COL25A1: variants seen among roughly 807,000 people sequenced by gnomAD.
COL25A1 encodes collagen alpha-1(XXV) chain.
In COL25A1, 103 loss-of-function variants were observed where a neutral mutation model predicts 128.4. The observed-to-expected ratio is 0.80, with a 90% CI of 0.68 to 0.94. The LOEUF is 0.94. Among genes scored for constraint, COL25A1 ranks in the 40% least tolerant of loss-of-function variants. The pLI is 0.00. For synonymous variants in COL25A1, 279 were observed against 277.2 expected (o/e 1.01, Z -0.06); for missense variants, 745 against 840.0 (o/e 0.89, Z 1.40).
intron 3 of COL25A1, among the ~76,000 whole-genome samples, chr4:109,061,495 T>C (rs541339112): frequency 3.1e-4 from 47 of 152,214 alleles, no homozygotes; most frequent in Non-Finnish European, 6.2e-4. Context: ...AAGGAATTAA[T>C]TTGCTCAGTG....
intron 8 of COL25A1, among the ~76,000 whole-genome samples, chr4:108,948,614 A>G (rs1448515763): frequency 6.6e-6 from 1 of 152,148 alleles, no homozygotes; most frequent in Non-Finnish European, 1.5e-5. Flanking sequence ...GTGGCTCGAA[A>G]AGTGACTATT....
chr4:109,059,636 G>C (rs537040661), intron 3 of COL25A1, among the ~76,000 whole-genome samples: 1 of 152,238 alleles, frequency 6.6e-6, no homozygotes, highest in Admixed American at 6.5e-5. Context: ...CATACACTGA[G>C]AACACTCATG....
intron 36 of COL25A1, 105 bp from the exon 37 acceptor site, chr4:108,817,540 A>G: frequency 9.7e-7 from 1 of 1,031,262 alleles, no homozygotes; most frequent in Admixed American, 2.2e-5. Flanking sequence ...CCCATTAGTG[A>G]CTTTGGTCAT....
At chr4:108,887,486 A>T (rs1236248563) in intron 18 of COL25A1, among the ~76,000 whole-genome samples, 1 of 152,182 alleles carries the variant, frequency 6.6e-6, no homozygotes. Context: ...ATATTGTGGG[A>T]AAGTGGGATT....
At chr4:109,013,192 T>C (rs865962859) in intron 5 of COL25A1, among the ~76,000 whole-genome samples, 1 of 152,146 alleles carries the variant, frequency 6.6e-6, no homozygotes, top group African/African-American at 2.4e-5. Flanking sequence ...AACGCACCAA[T>C]CAGTGCTCTG....
intron 3 of COL25A1, among the ~76,000 whole-genome samples, chr4:109,273,581 T>C (rs917482137): frequency 1.3e-5 from 2 of 152,192 alleles, no homozygotes; most frequent in Non-Finnish European, 2.9e-5. Flanking sequence ...TGAATAGATA[T>C]AATTAGTTGG....
At chr4:108,972,129 C>A (rs1335195090) in intron 8 of COL25A1, among the ~76,000 whole-genome samples, 1 of 152,052 alleles carries the variant, frequency 6.6e-6, no homozygotes, top group East Asian at 1.9e-4. Flanking sequence ...TGGAAATTCA[C>A]CTGACAAAGA....
chr4:109,001,762 C>A (rs1356669772), intron 6 of COL25A1, among the ~76,000 whole-genome samples: 3 of 152,126 alleles, frequency 2.0e-5, no homozygotes, highest in Non-Finnish European at 4.4e-5. Context: ...CTGGAGATTA[C>A]CCAGATGTGC....
chr4:109,035,809 A>G (rs28529304), intron 5 of COL25A1, among the ~76,000 whole-genome samples: 3,144 of 152,222 alleles, frequency 0.021, 65 homozygotes, highest in African/African-American at 0.055. Context: ...TTTTGTTTAA[A>G]ATGTTCCAAC....
Position 108,987,366 on chromosome 4 carries a change from C to CT in COL25A1, c.439-12808dup, listed in dbSNP as rs761478987. Reference sequence around the variant, plus strand: ...CTTGGAATAGTTACAGCATACCTTTCTTTTTTTTTCTTTTTCTTTTTTTTT... The same window carrying CT: ...CTTGGAATAGTTACAGCATACCTTTCTTTTTTTTTTCTTTTTCTTTTTTTTT... On this transcript the variant is annotated intron_variant, in intron 6 of 37. Coordinates refer to ENST00000399132, the MANE Select transcript of COL25A1 (RefSeq NM_198721.4). 4.3e-3 allele frequency among the ~76,000 whole-genome samples: 534 copies of CT among 123,078 alleles called. 1 individual carries two copies. The highest frequency in any genetic ancestry group is 7.2e-3 in the Non-Finnish European group (431 of 59,678). 80.7% of individuals were successfully genotyped at this position (123,078 alleles called of 152,430 possible). A position where few individuals can be genotyped will look rare whatever the true frequency, so the allele number is the denominator to read the frequency against.
At chr4:109,038,557 C>A (rs966535554) in intron 5 of COL25A1, among the ~76,000 whole-genome samples, 2 of 152,102 alleles carry the variant, frequency 1.3e-5, no homozygotes, top group African/African-American at 4.8e-5. Context: ...TCTTTTTAGT[C>A]TTTATCTTAT....
At chr4:109,290,741 C>T (rs1318978630) in intron 3 of COL25A1, among the ~76,000 whole-genome samples, 3 of 152,008 alleles carry the variant, frequency 2.0e-5, no homozygotes, top group Non-Finnish European at 4.4e-5. Flanking sequence ...CACACATTAA[C>T]ATTAATGATA....
intron 3 of COL25A1, among the ~76,000 whole-genome samples, chr4:109,266,067 C>A (rs746422766): frequency 6.6e-6 from 1 of 152,058 alleles, no homozygotes; most frequent in Non-Finnish European, 1.5e-5. Flanking sequence ...CAGGTGTAAC[C>A]GTTAAAGAGT....
chr4:109,144,148 G>A (rs563741871), intron 3 of COL25A1, among the ~76,000 whole-genome samples: 1 of 152,210 alleles, frequency 6.6e-6, no homozygotes, highest in South Asian at 2.1e-4. Flanking sequence ...TAACAGTCAG[G>A]CCCCTCTGCT....
chr4:109,184,481 G>C (rs764808161), intron 3 of COL25A1, among the ~76,000 whole-genome samples: 1 of 152,148 alleles, frequency 6.6e-6, no homozygotes, highest in Non-Finnish European at 1.5e-5. Flanking sequence ...GACGCAAGCC[G>C]GCTGCACTGG....
chr4:109,175,976 G>A (rs1560814756), intron 3 of COL25A1, among the ~76,000 whole-genome samples: 1 of 152,182 alleles, frequency 6.6e-6, no homozygotes, highest in East Asian at 1.9e-4. Context: ...AACTGCATTA[G>A]AGAATTGTAT....
rs567153893 is a variant in COL25A1, at chr4:109,141,232, T to C, written c.368-91053A>G. ...TTGGTTCTGTTTATGTGATGAATTA[T>C]GTTTATTGATTTGCATATGCTGAAA... On this transcript the variant is annotated intron_variant, in intron 3 of 37. Transcript: ENST00000399132. 3.3e-5 allele frequency among the ~76,000 whole-genome samples: 5 copies of C among 152,314 alleles called. No homozygotes were observed. The East Asian group carries it at 9.6e-4, about 29-fold the overall frequency.
chr4:109,197,443 A>ATATAT (rs1560850504), intron 3 of COL25A1, among the ~76,000 whole-genome samples: 36 of 117,980 alleles, frequency 3.1e-4, no homozygotes, highest in Admixed American at 8.7e-4. Context: ...ATTATATATT[A>ATATAT]TATATATTAT....
At chr4:108,850,538 C>A (rs1376501879) in intron 26 of COL25A1, among the ~76,000 whole-genome samples, 1 of 152,098 alleles carries the variant, frequency 6.6e-6, no homozygotes, top group Non-Finnish European at 1.5e-5. Flanking sequence ...AATGACTCAA[C>A]CCTCCTCCAT....
Sources: gnomAD v4.1 joint callset for allele counts (sites outside exome capture counted in the v4.1 genomes callset) on GRCh38, gnomAD v4.1.1 for gene constraint, MANE v1.5 for transcripts, NCBI Gene and HGNC (gene_info 2026-07-23, HGNC 2026-07-21) for gene names.